The following GPC6 variants were observed in gnomAD, a reference collection of about 807,000 sequenced individuals.
GPC6 encodes the protein glypican 6.
Under a neutral mutation model 55.2 loss-of-function variants are expected in GPC6, and 14 were observed. The observed-to-expected ratio is 0.25, with a 90% confidence interval of 0.17 to 0.40. The LOEUF (loss-of-function observed/expected upper bound fraction) is 0.40, where lower values mean the gene tolerates loss of function less well. Ranked by LOEUF, GPC6 falls within the 10% of genes least tolerant of loss-of-function variation. GPC6 has a pLI of 1.00. For missense variants in GPC6, 641 were observed against 708.5 expected, an observed-to-expected ratio of 0.90 and a Z score of 1.08; for synonymous variants, 278 against 259.6, an observed-to-expected ratio of 1.07 and a Z score of -0.68.
chr13:93,868,808 C>T (rs979220167), intron 3 of GPC6, among the ~76,000 whole-genome samples: 4 of 151,804 alleles, frequency 2.6e-5, no homozygotes, highest in African/African-American at 7.2e-5. Flanking sequence ...CCTGACTGAA[C>T]CCTCTTTCGA....
At chr13:93,842,393 A>G (rs74108889) in intron 3 of GPC6, among the ~76,000 whole-genome samples, 5,261 of 152,242 alleles carry the variant, frequency 0.035, 270 homozygotes, top group East Asian at 0.17. Context: ...AAAAATATCT[A>G]TTTTGGAATG....
chr13:94,240,447 G>A (rs1254290241), intron 4 of GPC6, among the ~76,000 whole-genome samples: 2 of 151,976 alleles, frequency 1.3e-5, no homozygotes, highest in African/African-American at 2.4e-5. Context: ...TGGCCTTAAG[G>A]TCTAAAGCCG....
chr13:94,264,875 T>C (rs1891751235), intron 4 of GPC6, among the ~76,000 whole-genome samples: 2 of 152,170 alleles, frequency 1.3e-5, no homozygotes, highest in East Asian at 3.9e-4. Context: ...CTATCTAACA[T>C]GGCAGCAGGC....
intron 4 of GPC6, among the ~76,000 whole-genome samples, chr13:94,249,557 C>CA (rs1258212531): frequency 2.0e-5 from 3 of 152,074 alleles, no homozygotes; most frequent in African/African-American, 7.2e-5. Context: ...CTAACCATCA[C>CA]AAAACCCCTC....
At chr13:93,545,774 G>A (rs1273231772) in intron 2 of GPC6, among the ~76,000 whole-genome samples, 1 of 152,118 alleles carries the variant, frequency 6.6e-6, no homozygotes. Flanking sequence ...TAAAAAATAA[G>A]CGTAATTTAA....
chr13:93,846,319 CTA>C (rs1331923373), intron 3 of GPC6, among the ~76,000 whole-genome samples: 1 of 152,138 alleles, frequency 6.6e-6, no homozygotes, highest in African/African-American at 2.4e-5. Context: ...TACATTAAAC[CTA>C]TGAGATAGGT....
intron 2 of GPC6, among the ~76,000 whole-genome samples, chr13:93,583,423 A>T (rs1456476889): frequency 6.6e-6 from 1 of 151,500 alleles, no homozygotes; most frequent in Non-Finnish European, 1.5e-5. Flanking sequence ...CTTTTATTTT[A>T]TTTTTTTTCT....
intron 4 of GPC6, among the ~76,000 whole-genome samples, chr13:94,109,908 C>T (rs906972163): frequency 1.3e-5 from 2 of 151,962 alleles, no homozygotes; most frequent in Non-Finnish European, 2.9e-5. Flanking sequence ...GCTCCATCAA[C>T]AGACCTTAGT....
At chr13:93,464,843 A>G (rs1878847508) in intron 1 of GPC6, among the ~76,000 whole-genome samples, 1 of 152,230 alleles carries the variant, frequency 6.6e-6, no homozygotes, top group Non-Finnish European at 1.5e-5. Context: ...TATGGAAGTT[A>G]TAGCCTTATG....
At position 93,646,360 on chromosome 13, in the gene GPC6, T is replaced by G. The variant is rs910282378; in HGVS notation, c.319+100939T>G. ...GAAGACGTTTTCCATATTGGAAAAG[T>G]GAAAACTGTGGATTGTTTGCAAACT... On this transcript the variant is annotated intron_variant, in intron 2 of 8. Transcript: ENST00000377047. 2.0e-5 allele frequency among the ~76,000 whole-genome samples: 3 copies of G among 152,134 alleles called. No homozygotes were observed. The East Asian group carries it at 5.8e-4, about 29-fold the overall frequency.
At chr13:93,683,461 A>G (rs1319094958) in intron 2 of GPC6, among the ~76,000 whole-genome samples, 2 of 152,120 alleles carry the variant, frequency 1.3e-5, no homozygotes, top group African/African-American at 4.8e-5. Flanking sequence ...AATTATTTTT[A>G]ATATATAGCA....
chr13:93,655,151 T>TA (rs375869955), intron 2 of GPC6, among the ~76,000 whole-genome samples: 11 of 152,034 alleles, frequency 7.2e-5, no homozygotes, highest in African/African-American at 2.2e-4. Flanking sequence ...GCCCGGCCCA[T>TA]AACCAGATAT....
At chr13:94,070,201 AAAC>A (rs2138781678) in intron 4 of GPC6, among the ~76,000 whole-genome samples, 1 of 152,294 alleles carries the variant, frequency 6.6e-6, no homozygotes, top group Admixed American at 6.5e-5. Flanking sequence ...TTGTGTAGGG[AAAC>A]TCCAGTTTTT....
chr13:93,672,260 A>G lies in GPC6; in HGVS notation c.319+126839A>G, dbSNP rs1020976368. ...ATATGTATATATATGTTGAACACAT[A>G]TATGTTTAAGAGAAATTCCAAATGT... On this transcript the variant is annotated intron_variant, in intron 2 of 8. Coordinates refer to ENST00000377047, the MANE Select transcript of GPC6 (RefSeq NM_005708.5). Among the ~76,000 whole-genome samples, 10 of 151,008 alleles carry G rather than the reference A, an allele frequency of 6.6e-5. 1 individual carries two copies. Among genetic ancestry groups the G allele is most frequent in the Admixed American group, 3.3e-4 (5 of 15,050 alleles).
intron 3 of GPC6, among the ~76,000 whole-genome samples, chr13:93,981,335 T>C (rs1171254444): frequency 6.6e-6 from 1 of 152,200 alleles, no homozygotes; most frequent in Non-Finnish European, 1.5e-5. Flanking sequence ...AAATACAAAA[T>C]ACCTCATATT....
At chr13:93,785,714 A>T (rs1463391964) in intron 2 of GPC6, among the ~76,000 whole-genome samples, 2 of 152,162 alleles carry the variant, frequency 1.3e-5, no homozygotes, top group Non-Finnish European at 2.9e-5. Flanking sequence ...TAATCCCAGC[A>T]CTTTGGAAGG....
intron 3 of GPC6, among the ~76,000 whole-genome samples, chr13:93,873,400 G>A (rs969003289): frequency 2.6e-5 from 4 of 151,894 alleles, no homozygotes; most frequent in South Asian, 2.1e-4. Flanking sequence ...CTAGAGAAGA[G>A]GTCTGTCCTG....
chr13:93,302,996 G>A (rs1334948796), intron 1 of GPC6, among the ~76,000 whole-genome samples: 3 of 152,060 alleles, frequency 2.0e-5, no homozygotes, highest in East Asian at 3.9e-4. Flanking sequence ...TAAGCTAAAC[G>A]AATCACAAAC....
intron 3 of GPC6, among the ~76,000 whole-genome samples, chr13:93,875,162 A>G (rs1395268043): frequency 1.3e-5 from 2 of 152,018 alleles, no homozygotes; most frequent in African/African-American, 2.4e-5. Flanking sequence ...AGGCCCCTCA[A>G]GTATTCAGAG....
Sources: allele counts gnomAD v4.1 joint callset (sites outside exome capture counted in the v4.1 genomes callset), GRCh38; gene constraint gnomAD v4.1.1; transcripts MANE v1.5; gene names NCBI Gene and HGNC (gene_info 2026-07-23, HGNC 2026-07-21).